Variants in KIAA1328 observed in about 807,000 individuals in gnomAD.
KIAA1328 encodes the protein protein hinderin.
In KIAA1328, 52 loss-of-function variants were observed where a neutral mutation model predicts 68.1. The observed-to-expected ratio is 0.76, with a 90% CI of 0.61 to 0.96. KIAA1328 has a LOEUF of 0.96. KIAA1328 is among the 40% of genes least tolerant of loss of function. The pLI is 0.00. For missense variants in KIAA1328, 641 were observed against 677.6 expected (o/e 0.95, Z 0.60); for synonymous variants, 232 against 239.4 (o/e 0.97, Z 0.28).
At chr18:36,840,383 T>C (rs868463700) in intron 3 of KIAA1328, among the ~76,000 whole-genome samples, 53 of 152,260 alleles carry the variant, frequency 3.5e-4, no homozygotes, top group African/African-American at 1.2e-3. Flanking sequence ...TGTGTCTATG[T>C]GTGCTTTTTC....
chr18:37,014,236 T>C (rs2054074256), intron 6 of KIAA1328, among the ~76,000 whole-genome samples: 1 of 152,232 alleles, frequency 6.6e-6, no homozygotes, highest in Non-Finnish European at 1.5e-5. Context: ...ATTATGGATA[T>C]TAGACCTCTG....
chr18:37,039,657 C>T (rs1186168518), intron 6 of KIAA1328, among the ~76,000 whole-genome samples: 14 of 152,216 alleles, frequency 9.2e-5, no homozygotes, highest in Admixed American at 7.2e-4. Flanking sequence ...GTGATCCGCC[C>T]GCCTCGGCCT....
At chr18:36,959,605 C>T (rs1024454261) in intron 6 of KIAA1328, among the ~76,000 whole-genome samples, 170 bp downstream of exon 6, 38 of 152,256 alleles carry the variant, frequency 2.5e-4, no homozygotes, top group African/African-American at 8.2e-4. Context: ...CTTTCTCCTC[C>T]TGTTCCTGGA....
chr18:36,920,371 T>G (rs980699140), intron 5 of KIAA1328, among the ~76,000 whole-genome samples: 1 of 152,172 alleles, frequency 6.6e-6, no homozygotes, highest in Non-Finnish European at 1.5e-5. Context: ...GTGTACAGCT[T>G]TATTTCTGTG....
intron 7 of KIAA1328, among the ~76,000 whole-genome samples, chr18:37,114,141 G>A (rs1003848186): frequency 1.3e-5 from 2 of 152,166 alleles, no homozygotes; most frequent in African/African-American, 4.8e-5. Context: ...ATTGAACTCA[G>A]CTCTGCATCA....
chr18:37,152,784 AAG>A (rs1183453021), intron 7 of KIAA1328, among the ~76,000 whole-genome samples: 1 of 152,206 alleles, frequency 6.6e-6, no homozygotes, highest in Non-Finnish European at 1.5e-5. Context: ...TAGAGAGGGT[AAG>A]AGAGTCCTCA....
At chr18:37,196,086 AGATT>A (rs1203462208) in intron 9 of KIAA1328, among the ~76,000 whole-genome samples, 1 of 151,158 alleles carries the variant, frequency 6.6e-6, no homozygotes, top group Non-Finnish European at 1.5e-5. Flanking sequence ...TTTCTTTTTC[AGATT>A]GATTGCTATT....
chr18:36,944,578 C>CA (rs199639972), intron 5 of KIAA1328, among the ~76,000 whole-genome samples: 25,729 of 148,678 alleles, frequency 0.17, 2,530 homozygotes, highest in Non-Finnish European at 0.23. Context: ...GACTCTGTCT[C>CA]AAAAAAAAAA....
intron 5 of KIAA1328, among the ~76,000 whole-genome samples, chr18:36,887,986 AAGT>A (rs1482438863): frequency 6.6e-6 from 1 of 152,180 alleles, no homozygotes; most frequent in Non-Finnish European, 1.5e-5. Context: ...TTATCTGGAA[AAGT>A]AGAATCTAAC....
chr18:36,961,932 A>G (rs934518269), intron 6 of KIAA1328, among the ~76,000 whole-genome samples: 5 of 152,242 alleles, frequency 3.3e-5, no homozygotes, highest in African/African-American at 9.6e-5. Context: ...ACCAGTTAAC[A>G]TCATAATGAC....
At chr18:36,837,159 T>C (rs999171271) in intron 3 of KIAA1328, among the ~76,000 whole-genome samples, 1 of 152,148 alleles carries the variant, frequency 6.6e-6, no homozygotes, top group Non-Finnish European at 1.5e-5. Context: ...TTTAACCTTT[T>C]GACAAAATTC....
chr18:37,064,536 A>AC (rs35629735), intron 6 of KIAA1328, among the ~76,000 whole-genome samples: 36,322 of 115,822 alleles, frequency 0.31, 5,169 homozygotes, highest in Non-Finnish European at 0.34. Context: ...GACTGAAAGT[A>AC]CCCCCCCCCC....
At chr18:36,829,448 G>A in intron 1 of KIAA1328, 1 of 1,300,554 alleles carries the variant, frequency 7.7e-7, no homozygotes, top group Non-Finnish European at 9.7e-7. Context: ...CGGTGAGCTC[G>A]AGAAAGATAG....
intron 4 of KIAA1328, among the ~76,000 whole-genome samples, chr18:36,853,527 C>T (rs1261848872): frequency 1.3e-5 from 2 of 152,066 alleles, no homozygotes; most frequent in East Asian, 1.9e-4. Context: ...ATTTGTGACA[C>T]TCTAATTTGA....
At chr18:36,919,054 T>C (rs1438374813) in intron 5 of KIAA1328, among the ~76,000 whole-genome samples, 1 of 152,212 alleles carries the variant, frequency 6.6e-6, no homozygotes, top group Non-Finnish European at 1.5e-5. Context: ...TAGGGCTTTC[T>C]AAATTTAATT....
intron 9 of KIAA1328, among the ~76,000 whole-genome samples, chr18:37,188,333 C>T (rs1044290945): frequency 6.6e-6 from 1 of 152,166 alleles, no homozygotes; most frequent in African/African-American, 2.4e-5. Context: ...ACAGCCAGCT[C>T]CTGTCTTCTG....
In KIAA1328 at chr18:36,960,210, C is replaced by T. The variant is rs1054843224; in HGVS notation, c.576+775C>T. 1.4e-4 allele frequency among the ~76,000 whole-genome samples: 21 copies of T among 152,316 alleles called. No individual in the cohort carries two copies. In the East Asian group the frequency reaches 2.7e-3, roughly 20 times the overall value. Reference sequence around the variant, plus strand: ...CCCACGGAGCCTTGCTCACTGCTAACGCAGCAGTCTGAGATCAACCTATGA... The same window carrying T: ...CCCACGGAGCCTTGCTCACTGCTAATGCAGCAGTCTGAGATCAACCTATGA... On this transcript the variant is annotated intron_variant, in intron 6 of 9. Coordinates refer to ENST00000280020, the MANE Select transcript of KIAA1328 (RefSeq NM_020776.3).
At chr18:36,994,848 G>A (rs546407440) in intron 6 of KIAA1328, among the ~76,000 whole-genome samples, 1 of 152,200 alleles carries the variant, frequency 6.6e-6, no homozygotes, top group East Asian at 1.9e-4. Flanking sequence ...AATATCCAGT[G>A]TTTCCAATTC....
At chr18:36,861,285 A>T (rs1050913077) in intron 4 of KIAA1328, among the ~76,000 whole-genome samples, 5 of 151,980 alleles carry the variant, frequency 3.3e-5, no homozygotes, top group African/African-American at 1.2e-4. Flanking sequence ...TCGGGTGTAC[A>T]TGAGGTTGAT....
Sources: allele counts gnomAD v4.1 joint callset (sites outside exome capture counted in the v4.1 genomes callset), GRCh38; gene constraint gnomAD v4.1.1; transcripts MANE v1.5; gene names NCBI Gene and HGNC (gene_info 2026-07-23, HGNC 2026-07-21).